The following NPTN variants were observed in gnomAD, a reference collection of about 807,000 sequenced individuals.
NPTN encodes the protein neuroplastin.
NPTN carries 5 observed loss-of-function variants against 42.7 expected under a neutral mutation model. That is an observed-to-expected ratio of 0.12 (90% CI 0.06 to 0.25). The LOEUF is 0.25. Among genes scored for constraint, NPTN ranks in the 10% least tolerant of loss-of-function variants. NPTN has a pLI of 1.00. For missense variants in NPTN, 307 were observed against 525.4 expected (o/e 0.58, Z 4.06); for synonymous variants, 180 against 201.9 (o/e 0.89, Z 0.92).
chr15:73,582,365 A>G (rs1301935748), intron 4 of NPTN, among the ~76,000 whole-genome samples: 3 of 152,200 alleles, frequency 2.0e-5, no homozygotes, highest in Non-Finnish European at 4.4e-5. Context: ...GTGAAGATTT[A>G]CTGCTTGCCA....
Position 73,570,386 on chromosome 15 carries a change from T to C in NPTN, c.878A>G (p.Asn293Ser), listed in dbSNP as rs1392727065. The stretch of plus-strand genomic sequence containing the variant: ...GTTCAACTCAGTGTAATTTTCCTTG[T>C]TGATGATGAAGAAGCGGCCAGAGGT... Reference protein sequence around the residue: ...VNTSGRFFIINKENYTELNIV... With the variant: ...VNTSGRFFIISKENYTELNIV... Residue 293 changes from asparagine to serine, a missense_variant, in exon 6 of 9, where the codon AAC becomes AGC. Physicochemically the swap from Asn to Ser is conservative, Grantham distance 46. Transcript: ENST00000345330. This position sits in a 1 kb window ranked among gnomAD's most constrained non-coding sequence, Gnocchi z 4.0. 4 of 1,613,732 alleles carry C rather than the reference T, an allele frequency of 2.5e-6. No individual in the cohort carries two copies. The highest frequency in any genetic ancestry group is 1.1e-5 in the South Asian group (1 of 91,074).
At chr15:73,573,220 T>C (rs1895506933) in intron 5 of NPTN, among the ~76,000 whole-genome samples, 1 of 152,162 alleles carries the variant, frequency 6.6e-6, no homozygotes, top group Non-Finnish European at 1.5e-5. Context: ...GTTACAGTAA[T>C]CTGAAAGCAA....
intron 4 of NPTN, among the ~76,000 whole-genome samples, chr15:73,575,263 G>A (rs1177831631): frequency 1.3e-5 from 2 of 152,048 alleles, no homozygotes; most frequent in Admixed American, 6.6e-5. Flanking sequence ...GATTACAGGC[G>A]TGAGCCATCA....
chr15:73,624,682 C>CCT (rs1161302111), intron 1 of NPTN, among the ~76,000 whole-genome samples: 1 of 151,764 alleles, frequency 6.6e-6, no homozygotes, highest in East Asian at 1.9e-4. Flanking sequence ...TTCTGCTTAC[C>CCT]CTCTCTCTCT....
chr15:73,611,026 T>C (rs1451586556), intron 1 of NPTN, among the ~76,000 whole-genome samples: 1 of 152,228 alleles, frequency 6.6e-6, no homozygotes, highest in African/African-American at 2.4e-5. Context: ...ATATGGACAA[T>C]GTGCTGAAAC....
At chr15:73,578,406 A>C (rs1595908777) in intron 4 of NPTN, among the ~76,000 whole-genome samples, 1 of 152,182 alleles carries the variant, frequency 6.6e-6, no homozygotes, top group East Asian at 1.9e-4. Context: ...ATAAGGAGAA[A>C]TGGTGAGATT....
chr15:73,631,474 G>A (rs1208744006), intron 1 of NPTN, among the ~76,000 whole-genome samples: 1 of 152,104 alleles, frequency 6.6e-6, no homozygotes, highest in Non-Finnish European at 1.5e-5. Flanking sequence ...ATAAAATTTG[G>A]TACTACGAAC....
chr15:73,587,960 G>A (rs1025886882), intron 3 of NPTN, among the ~76,000 whole-genome samples: 2 of 152,124 alleles, frequency 1.3e-5, no homozygotes, highest in African/African-American at 2.4e-5. Context: ...AAACCATCAC[G>A]GCTGGGCACA....
intron 1 of NPTN, among the ~76,000 whole-genome samples, chr15:73,621,750 A>G (rs1162630917): frequency 6.6e-6 from 1 of 152,192 alleles, no homozygotes; most frequent in Non-Finnish European, 1.5e-5. Context: ...AAAAACTACA[A>G]GTTACTTTTA....
At chr15:73,623,479 G>A (rs4776634) in intron 1 of NPTN, among the ~76,000 whole-genome samples, 6,853 of 152,230 alleles carry the variant, frequency 0.045, 248 homozygotes, top group South Asian at 0.095. Context: ...TTTAGTCCAG[G>A]AGTTTGAGAC....
chr15:73,598,522 T>TA (rs1896931447), intron 1 of NPTN, among the ~76,000 whole-genome samples: 1 of 151,248 alleles, frequency 6.6e-6, no homozygotes, highest in Non-Finnish European at 1.5e-5. Context: ...GTTAGGTCCA[T>TA]AGGAAACAAA....
At chr15:73,564,148 C>G (rs904544884) in intron 6 of NPTN, among the ~76,000 whole-genome samples, 3 of 152,168 alleles carry the variant, frequency 2.0e-5, no homozygotes, top group African/African-American at 7.2e-5. Context: ...TACACATTCA[C>G]AGAGAGAGAA....
chr15:73,571,593 A>G (rs1416934208), intron 5 of NPTN, among the ~76,000 whole-genome samples: 1 of 152,134 alleles, frequency 6.6e-6, no homozygotes, highest in Non-Finnish European at 1.5e-5. Flanking sequence ...AACAGGGAGG[A>G]GCAGTGCAGG....
intron 1 of NPTN, 194 bp downstream of exon 1, chr15:73,632,931 G>GA: frequency 2.3e-6 from 1 of 430,268 alleles, no homozygotes; most frequent in Non-Finnish European, 4.1e-6. Flanking sequence ...CCGCCGCTCG[G>GA]ATAGGAGCCT....
chr15:73,606,891 G>A (rs1467396664), intron 1 of NPTN, among the ~76,000 whole-genome samples: 14 of 152,152 alleles, frequency 9.2e-5, no homozygotes. Context: ...TTTTAGCAAA[G>A]AACCTTGCTA....
chr15:73,570,535 G>T lies in NPTN; in HGVS notation c.841-112C>A. 1.1e-6 allele frequency: 1 copy of T among 912,930 alleles called. No homozygotes were observed. The highest frequency in any genetic ancestry group is 1.7e-6 in the Non-Finnish European group (1 of 589,628). The allele number at this position is 912,930 out of a possible 1,614,324, so 56.6% of individuals were successfully genotyped here. A position where few individuals can be genotyped will look rare whatever the true frequency, so the allele number is the denominator to read the frequency against. ...AGGCACCAGCCAGAATGAGGAAGCA[G>T]TGTCTAGGAACATTTCATTAATGAT... On this transcript the variant is annotated intron_variant, in intron 5 of 8. Coordinates refer to ENST00000345330, the MANE Select transcript of NPTN (RefSeq NM_012428.4). This position sits in a 1 kb window ranked among gnomAD's most constrained non-coding sequence, Gnocchi z 4.0.
chr15:73,595,896 T>C lies in NPTN; in HGVS notation c.439+1126A>G, dbSNP rs541037911. On this transcript the variant is annotated intron_variant, in intron 2 of 8. Transcript: ENST00000345330. ...GCCACAAAAGTCCCGGTGTCATATG[T>C]CTCACGCATACCTGCTACAAGGAGA... 2.5e-4 allele frequency among the ~76,000 whole-genome samples: 38 copies of C among 152,334 alleles called. No individual in the cohort carries two copies. The East Asian group carries it at 7.1e-3, about 29-fold the overall frequency.
At chr15:73,628,587 C>T (rs910169741) in intron 1 of NPTN, among the ~76,000 whole-genome samples, 2 of 152,068 alleles carry the variant, frequency 1.3e-5, no homozygotes, top group African/African-American at 2.4e-5. Flanking sequence ...CTTCCCGAAT[C>T]GTTGTAAAAA....
intron 1 of NPTN, among the ~76,000 whole-genome samples, chr15:73,611,946 T>C (rs1331476669): frequency 4.6e-5 from 7 of 152,162 alleles, no homozygotes; most frequent in Admixed American, 3.3e-4. Context: ...ATTAAAAGTA[T>C]CAACTGAAAA....
Sources: allele counts gnomAD v4.1 joint callset (sites outside exome capture counted in the v4.1 genomes callset), GRCh38; gene constraint gnomAD v4.1.1; non-coding constraint Gnocchi (gnomAD v3.1); transcripts MANE v1.5; gene names NCBI Gene and HGNC (gene_info 2026-07-23, HGNC 2026-07-21).